The following RNF170 variants were observed in gnomAD, a reference collection of about 807,000 sequenced individuals.
RNF170 encodes E3 ubiquitin-protein ligase RNF170.
A neutral mutation model predicts 32.7 loss-of-function variants in RNF170; 12 were observed. The ratio of observed to expected loss-of-function variants is 0.37; its 90% CI spans 0.24 to 0.60. The LOEUF is 0.60. RNF170 is among the 20% of genes least tolerant of loss of function. The pLI is 0.72. For missense variants in RNF170, 212 were observed against 311.2 expected, an observed-to-expected ratio of 0.68 and a Z score of 2.40; for synonymous variants, 91 against 103.6, an observed-to-expected ratio of 0.88 and a Z score of 0.74.
At chr8:42,884,776 A>C (rs545971343) in intron 2 of RNF170, among the ~76,000 whole-genome samples, 1 of 147,152 alleles carries the variant, frequency 6.8e-6, no homozygotes, top group African/African-American at 2.5e-5. Flanking sequence ...ATCTCAGCTC[A>C]CTGCAACCTC....
At position 42,869,988 on chromosome 8, in the gene RNF170, A is replaced by G; in HGVS notation, c.322+16T>C. Reference sequence around the variant, plus strand: ...CTACACAGTCACTTTTCCCAAGTATAGCGTTGTTTGCTTACCACAAAAAAG... The same window carrying G: ...CTACACAGTCACTTTTCCCAAGTATGGCGTTGTTTGCTTACCACAAAAAAG... On this transcript the variant is annotated intron_variant, in intron 4 of 6. Coordinates refer to ENST00000527424, the MANE Select transcript of RNF170 (RefSeq NM_030954.4). The G allele has an allele frequency of 1.3e-6, 2 of 1,575,346 alleles. No homozygotes were observed. Among genetic ancestry groups the G allele is most frequent in the East Asian group, 4.5e-5 (2 of 44,692 alleles).
chr8:42,884,079 C>CT (rs1047532164), intron 2 of RNF170, among the ~76,000 whole-genome samples: 19 of 151,326 alleles, frequency 1.3e-4, no homozygotes, highest in African/African-American at 3.9e-4. Context: ...AAATTTAATT[C>CT]TTTTTTTTTC....
intron 1 of RNF170, among the ~76,000 whole-genome samples, chr8:42,895,405 A>G (rs1382360308): frequency 6.6e-6 from 1 of 152,164 alleles, no homozygotes; most frequent in Non-Finnish European, 1.5e-5. Flanking sequence ...AAAGTGGGGG[A>G]AAGGGGTTCC....
In RNF170 at chr8:42,863,423, C is replaced by T. The variant is rs73634698; in HGVS notation, c.397-1568G>A. On this transcript the variant is annotated intron_variant, in intron 5 of 6. Transcript: ENST00000527424. ...GAGCAAAAGATGCCAAGAAGTAGTACGGGCAAATAAGCTTCAATTTAAAAA... is the reference window on the plus strand; with the variant it reads ...GAGCAAAAGATGCCAAGAAGTAGTATGGGCAAATAAGCTTCAATTTAAAAA... 4.7e-3 allele frequency among the ~76,000 whole-genome samples: 715 copies of T among 151,826 alleles called. 6 individuals carry two copies. Among genetic ancestry groups the T allele is most frequent in the African/African-American group, 0.016 (676 of 41,402 alleles).
chr8:42,855,059 A>G lies in RNF170; in HGVS notation c.*1100T>C. 2 of 1,287,172 alleles carry G rather than the reference A, an allele frequency of 1.6e-6. No individual in the cohort carries two copies. The highest frequency in any genetic ancestry group is 2.5e-5 in the South Asian group (2 of 80,930). The allele number at this position is 1,287,172 out of a possible 1,614,324, so 79.7% of individuals were successfully genotyped here. A position where few individuals can be genotyped will look rare whatever the true frequency, so the allele number is the denominator to read the frequency against. On this transcript the variant is annotated 3_prime_UTR_variant, in exon 7 of 7. Transcript: ENST00000527424. ...TTGATGCTCAAAGACACGAAGATTC[A>G]CCTTCCTCAGAAATGCATCAGGCTA...
At chr8:42,867,809 A>G (rs1804227272) in intron 4 of RNF170, among the ~76,000 whole-genome samples, 2 of 150,674 alleles carry the variant, frequency 1.3e-5, no homozygotes, top group South Asian at 4.2e-4. Context: ...AGAAAAAGAA[A>G]TACAAAAAAG....
At chr8:42,850,940 A>G (rs1364458360), downstream of RNF170, 1 of 1,551,686 alleles carries the variant, frequency 6.4e-7, no homozygotes, top group Admixed American at 2.0e-5. Context: ...GTGTCCAGGC[A>G]TGCAACAGCC....
chr8:42,860,819 G>C (rs1427571582), intron 6 of RNF170, among the ~76,000 whole-genome samples: 1 of 152,142 alleles, frequency 6.6e-6, no homozygotes, highest in Non-Finnish European at 1.5e-5. Flanking sequence ...CCGGGTACAA[G>C]TGATTCTCCA....
intron 1 of RNF170, among the ~76,000 whole-genome samples, chr8:42,894,959 T>A (rs932233989): frequency 6.6e-6 from 1 of 151,932 alleles, no homozygotes; most frequent in Non-Finnish European, 1.5e-5. Flanking sequence ...TTTTTACACT[T>A]ACAAAATGCT....
intron 2 of RNF170, among the ~76,000 whole-genome samples, chr8:42,881,677 G>T (rs547511932): frequency 1.3e-5 from 2 of 152,356 alleles, no homozygotes; most frequent in South Asian, 4.1e-4. Flanking sequence ...GCTCATGCCT[G>T]TAACTTCCGC....
intron 4 of RNF170, among the ~76,000 whole-genome samples, chr8:42,868,311 A>G (rs755573487): frequency 6.6e-6 from 1 of 152,200 alleles, no homozygotes; most frequent in Non-Finnish European, 1.5e-5. Flanking sequence ...GAAGTTAGAC[A>G]AAAGGGCCAA....
chr8:42,882,800 ACCTGTAATCC>A (rs570345530), intron 2 of RNF170, among the ~76,000 whole-genome samples: 13 of 152,178 alleles, frequency 8.5e-5, no homozygotes, highest in African/African-American at 3.1e-4. Flanking sequence ...AGTGGCTCAC[ACCTGTAATCC>A]CAGAAATTTG....
chr8:42,884,149 C>T (rs1174415777), intron 2 of RNF170, among the ~76,000 whole-genome samples: 3 of 151,878 alleles, frequency 2.0e-5, no homozygotes, highest in South Asian at 2.1e-4. Flanking sequence ...GGCGTGATCT[C>T]GGCTCACAGC....
chr8:42,889,830 C>T (rs561869340), intron 1 of RNF170, among the ~76,000 whole-genome samples: 15 of 152,094 alleles, frequency 9.9e-5, no homozygotes, highest in Non-Finnish European at 1.6e-4. Flanking sequence ...GGGTGGGCCA[C>T]GGAGTCAATT....
At chr8:42,871,321 T>C (rs571034673) in intron 3 of RNF170, among the ~76,000 whole-genome samples, 15 of 152,172 alleles carry the variant, frequency 9.9e-5, no homozygotes, top group African/African-American at 2.7e-4. Context: ...ATGAAAAATA[T>C]CTAATTACAG....
Position 42,854,800 on chromosome 8 carries a change from A to T in RNF170, c.*1359T>A. On this transcript the variant is annotated 3_prime_UTR_variant, in exon 7 of 7. Coordinates refer to ENST00000527424, the MANE Select transcript of RNF170 (RefSeq NM_030954.4). ...GCTGTCATACATTCACTAATGAGCA[A>T]CGCCAGCTGAAGTGAGTAAGATCTC... 7.8e-7 allele frequency: 1 copy of T among 1,287,338 alleles called. No individual in the cohort carries two copies. Among genetic ancestry groups the T allele is most frequent in the Non-Finnish European group, 1.0e-6 (1 of 988,696 alleles). The allele number at this position is 1,287,338 out of a possible 1,614,324, so 79.7% of individuals were successfully genotyped here.
downstream of RNF170, among the ~76,000 whole-genome samples, chr8:42,852,603 G>T (rs2128920607): frequency 6.6e-6 from 1 of 152,116 alleles, no homozygotes; most frequent in South Asian, 2.1e-4. Context: ...TTTTAGTAGA[G>T]ACGGGGTTTC....
intron 1 of RNF170, chr8:42,896,195 G>A (rs943749193): frequency 1.8e-4 from 51 of 284,982 alleles, no homozygotes; most frequent in South Asian, 1.4e-3. Flanking sequence ...GAGTTCTCAG[G>A]GTCACGCTCC....
intron 1 of RNF170, among the ~76,000 whole-genome samples, chr8:42,895,512 C>A (rs1009151772): frequency 6.6e-6 from 1 of 152,244 alleles, no homozygotes; most frequent in East Asian, 1.9e-4. Context: ...CTCTACGCAT[C>A]GACAATTCTC....
Sources: allele counts gnomAD v4.1 joint callset (sites outside exome capture counted in the v4.1 genomes callset), GRCh38; gene constraint gnomAD v4.1.1; transcripts MANE v1.5; gene names NCBI Gene and HGNC (gene_info 2026-07-23, HGNC 2026-07-21).